Variants in ANK2 observed in about 807,000 individuals in gnomAD.
ANK2 encodes the protein ankyrin 2.
A neutral mutation model predicts 360.5 loss-of-function variants in ANK2; 83 were observed. The ratio of observed to expected loss-of-function variants is 0.23; its 90% confidence interval spans 0.19 to 0.28. The LOEUF (loss-of-function observed/expected upper bound fraction) is 0.28, where lower values mean the gene tolerates loss of function less well. Ranked by LOEUF, ANK2 falls within the 10% of genes least tolerant of loss-of-function variation. The pLI is 1.00. For missense variants in ANK2, 4,201 were observed against 4,795.7 expected, an observed-to-expected ratio of 0.88 and a Z score of 3.66; for synonymous variants, 1,740 against 1,759.5, an observed-to-expected ratio of 0.99 and a Z score of 0.28.
chr4:112,790,159 T>TGTCA, the ANK2 span, among the ~76,000 whole-genome samples: 1 of 152,036 alleles, frequency 6.6e-6, no homozygotes, highest in African/African-American at 2.4e-5. Flanking sequence ...CTACATAGTT[T>TGTCA]GTCATTGTGG....
rs370708380 is a variant in ANK2 at position 113,302,886 on chromosome 4, C to T, written c.2548+47C>T. 118 of 1,523,924 alleles carry T rather than the reference C, an allele frequency of 7.7e-5. No homozygotes were observed. The African/African-American group carries it at 8.4e-4, about 11-fold the overall frequency. 94.4% of individuals were successfully genotyped at this position (1,523,924 alleles called of 1,614,324 possible). A position where few individuals can be genotyped will look rare whatever the true frequency, so the allele number is the denominator to read the frequency against. On this transcript the variant is annotated intron_variant, in intron 23 of 45. Transcript: ENST00000357077. ...CTATGACACCTGTCATGTTCTTACA[C>T]AAGGGCAAATTACCCTTTTTTTCAG... is the stretch of plus-strand genomic sequence containing the variant.
intron 1 of ANK2, among the ~76,000 whole-genome samples, chr4:112,833,228 A>G (rs1456787537): frequency 1.3e-5 from 2 of 152,256 alleles, no homozygotes; most frequent in Non-Finnish European, 2.9e-5. Flanking sequence ...AACATGAGGT[A>G]GTGGGTAAGG....
intron 45 of ANK2, among the ~76,000 whole-genome samples, chr4:113,378,465 C>T (rs2097042422): frequency 6.6e-6 from 1 of 152,148 alleles, no homozygotes; most frequent in Admixed American, 6.5e-5. Context: ...TAGTTGAAGC[C>T]AGCCTGATGG....
intron 1 of ANK2, among the ~76,000 whole-genome samples, chr4:112,876,263 T>C (rs1197840638): frequency 6.6e-6 from 1 of 152,188 alleles, no homozygotes; most frequent in African/African-American, 2.4e-5. Context: ...TTCTTTAAAA[T>C]AGGAAATCCT....
the ANK2 span, among the ~76,000 whole-genome samples, chr4:112,762,664 C>T: frequency 5.3e-5 from 8 of 152,216 alleles, no homozygotes; most frequent in African/African-American, 1.7e-4. Flanking sequence ...CCTGCGCCAC[C>T]ATGCCCGGCT....
chr4:113,030,408 T>A (rs188919405), intron 2 of ANK2, among the ~76,000 whole-genome samples: 98 of 152,242 alleles, frequency 6.4e-4, no homozygotes, highest in Middle Eastern at 3.4e-3. Context: ...CAGGACTGGT[T>A]TGGGGCTACC....
At chr4:112,999,878 G>T (rs1242401111) in intron 2 of ANK2, among the ~76,000 whole-genome samples, 5 of 152,174 alleles carry the variant, frequency 3.3e-5, no homozygotes, top group Admixed American at 6.5e-5. Context: ...AAAGGGATTT[G>T]TTCAATAATG....
chr4:113,034,332 A>T (rs932601643), intron 2 of ANK2, among the ~76,000 whole-genome samples: 2 of 152,044 alleles, frequency 1.3e-5, no homozygotes, highest in South Asian at 4.1e-4. Flanking sequence ...ATAATAACTG[A>T]GTAATCCTGA....
intron 45 of ANK2, among the ~76,000 whole-genome samples, chr4:113,380,480 A>C (rs2097133729): frequency 6.6e-6 from 1 of 152,142 alleles, no homozygotes. Context: ...GGCCAACATG[A>C]CAAAACCCTG....
chr4:113,129,491 T>G (rs2095873516), intron 1 of ANK2, among the ~76,000 whole-genome samples: 1 of 152,204 alleles, frequency 6.6e-6, no homozygotes, highest in East Asian at 1.9e-4. Context: ...TTTTAGGTGT[T>G]TATTCTAAAG....
intron 22 of ANK2, among the ~76,000 whole-genome samples, chr4:113,294,309 A>G (rs2069774824): frequency 6.6e-6 from 1 of 152,130 alleles, no homozygotes; most frequent in South Asian, 2.1e-4. Context: ...GTGCTATTAT[A>G]TTTGCATTTA....
chr4:113,345,810 A>C, intron 34 of ANK2, 90 bp from the exon 35 acceptor site: 2 of 1,537,382 alleles, frequency 1.3e-6, no homozygotes, highest in Non-Finnish European at 1.8e-6. Flanking sequence ...GTAACAAATG[A>C]ATTTTACTTT....
At chr4:112,879,959 G>A (rs17672637) in intron 1 of ANK2, among the ~76,000 whole-genome samples, 5,853 of 151,954 alleles carry the variant, frequency 0.039, 172 homozygotes, top group South Asian at 0.12. Context: ...TTATGTACTC[G>A]AAGCAAAACT....
chr4:113,259,441 C>T (rs1356594317), intron 13 of ANK2, among the ~76,000 whole-genome samples: 2 of 152,046 alleles, frequency 1.3e-5, no homozygotes, highest in Admixed American at 6.6e-5. Flanking sequence ...TATTTGTATT[C>T]TCTCTCATAT....
chr4:113,080,979 CAAACAAAATTGTAAGAGG>C (rs2082188468), intron 1 of ANK2, among the ~76,000 whole-genome samples: 1 of 152,064 alleles, frequency 6.6e-6, no homozygotes, highest in Non-Finnish European at 1.5e-5. Context: ...ATTGAGACTA[CAAACAAAATTGTAAGAGG>C]ATATTTTAAT....
chr4:112,943,267 G>A (rs553861852), intron 2 of ANK2, among the ~76,000 whole-genome samples: 2 of 152,168 alleles, frequency 1.3e-5, no homozygotes, highest in East Asian at 3.9e-4. Context: ...AAAGGCAAGT[G>A]TATTCTCTGT....
chr4:113,101,357 T>C (rs1447541961), intron 1 of ANK2, among the ~76,000 whole-genome samples: 1 of 152,140 alleles, frequency 6.6e-6, no homozygotes, highest in African/African-American at 2.4e-5. Flanking sequence ...TTTGCAGAGA[T>C]AGTATTTCTT....
intron 1 of ANK2, among the ~76,000 whole-genome samples, chr4:113,094,885 A>G (rs1178650991): frequency 6.6e-6 from 1 of 152,196 alleles, no homozygotes; most frequent in Non-Finnish European, 1.5e-5. Context: ...TAACTAATTA[A>G]TGGTTTTTGT....
intron 17 of ANK2, 58 bp downstream of exon 17, chr4:113,278,616 AT>A: frequency 6.5e-7 from 1 of 1,530,890 alleles, no homozygotes; most frequent in Non-Finnish European, 9.0e-7. Context: ...CTGAAAACAC[AT>A]GAGAATTGTC....
Sources: allele counts gnomAD v4.1 joint callset (sites outside exome capture counted in the v4.1 genomes callset), GRCh38; gene constraint gnomAD v4.1.1; transcripts MANE v1.5; gene names NCBI Gene and HGNC (gene_info 2026-07-23, HGNC 2026-07-21).